PGR: variants seen among roughly 807,000 people sequenced by gnomAD.
PGR encodes the protein progesterone receptor.
Under a neutral mutation model 76.1 loss-of-function variants are expected in PGR, and 25 were observed. The observed-to-expected ratio is 0.33, with a 90% CI of 0.24 to 0.46. The LOEUF (loss-of-function observed/expected upper bound fraction) is 0.46, where lower values mean the gene tolerates loss of function less well. Among genes scored for constraint, PGR ranks in the 20% least tolerant of loss-of-function variants. PGR has a pLI of 1.00. For missense variants in PGR, 1,172 were observed against 1,225.3 expected (o/e 0.96, Z 0.65); for synonymous variants, 579 against 535.0 (o/e 1.08, Z -1.14).
chr11:101,069,438 A>G (rs767034637), intron 3 of PGR, among the ~76,000 whole-genome samples: 1 of 152,196 alleles, frequency 6.6e-6, no homozygotes, highest in Non-Finnish European at 1.5e-5. Context: ...CAACCACTGT[A>G]GAAGACAGTG....
intron 3 of PGR, among the ~76,000 whole-genome samples, chr11:101,070,127 C>T (rs1476095190): frequency 6.6e-6 from 1 of 152,140 alleles, no homozygotes; most frequent in Non-Finnish European, 1.5e-5. Flanking sequence ...AGGTACCCAC[C>T]TCATCTCATT....
intron 3 of PGR, among the ~76,000 whole-genome samples, chr11:101,074,951 T>C (rs949467827): frequency 6.6e-6 from 1 of 152,218 alleles, no homozygotes; most frequent in Non-Finnish European, 1.5e-5. Context: ...ATTGACTTTC[T>C]TCATAGAATT....
rs1263928344 is a variant in PGR, at chr11:101,037,039, T to A, written c.*2077A>T. On this transcript the variant is annotated 3_prime_UTR_variant, in exon 8 of 8. Transcript: ENST00000325455. ...CACAGTTCATTCTGAGAGGTGTCAC[T>A]CTCACAGAGGTAGATTTCCTGTAAC... 1.0e-5 allele frequency: 2 copies of A among 193,820 alleles called. No individual in the cohort carries two copies. The highest frequency in any genetic ancestry group is 1.6e-4 in the East Asian group (2 of 12,336). The allele number at this position is 193,820 out of a possible 1,614,324, so 12.0% of individuals were successfully genotyped here.
chr11:101,120,487 T>A (rs1205176709), intron 2 of PGR, among the ~76,000 whole-genome samples: 3 of 152,146 alleles, frequency 2.0e-5, no homozygotes, highest in African/African-American at 4.8e-5. Flanking sequence ...AATAGTGTAA[T>A]TAGTAATTCC....
chr11:101,095,690 C>A (rs1309236293), intron 2 of PGR, among the ~76,000 whole-genome samples: 2 of 152,144 alleles, frequency 1.3e-5, no homozygotes, highest in African/African-American at 4.8e-5. Flanking sequence ...ATGAAGATAA[C>A]ATTAGTACCT....
chr11:101,089,677 G>C (rs1040263528), intron 3 of PGR, among the ~76,000 whole-genome samples: 1 of 140,314 alleles, frequency 7.1e-6, no homozygotes, highest in Non-Finnish European at 1.6e-5. Context: ...ATTAGAAAGC[G>C]ATTGAGGGAG....
At position 101,096,402 on chromosome 11, in the gene PGR, T is replaced by C. The variant is rs11571172; in HGVS notation, c.1790-4526A>G. Among the ~76,000 whole-genome samples, 1,317 of 152,334 alleles carry C rather than the reference T, an allele frequency of 8.6e-3. 20 individuals carry two copies. The highest frequency in any genetic ancestry group is 0.028 in the African/African-American group (1,146 of 41,574). ...AATATGGGGAGTACAGTTAAAGGTTTATCTTCTCAAGCAATGTTTTGGCTT... is the reference window on the plus strand; with the variant it reads ...AATATGGGGAGTACAGTTAAAGGTTCATCTTCTCAAGCAATGTTTTGGCTT... On this transcript the variant is annotated intron_variant, in intron 2 of 7. Coordinates refer to ENST00000325455, the MANE Select transcript of PGR (RefSeq NM_000926.4).
chr11:101,123,434 C>G (rs1406910196), intron 2 of PGR, among the ~76,000 whole-genome samples: 2 of 152,330 alleles, frequency 1.3e-5, no homozygotes, highest in African/African-American at 4.8e-5. Flanking sequence ...TTCTACTTAT[C>G]TTTCTCATTC....
chr11:101,108,507 T>C (rs980151114), intron 2 of PGR, among the ~76,000 whole-genome samples: 1 of 152,188 alleles, frequency 6.6e-6, no homozygotes, highest in Non-Finnish European at 1.5e-5. Context: ...AAAAATATTT[T>C]TAAACGACTT....
At chr11:101,067,009 T>A (rs1860744122) in intron 3 of PGR, among the ~76,000 whole-genome samples, 2 of 152,162 alleles carry the variant, frequency 1.3e-5, no homozygotes, top group Non-Finnish European at 2.9e-5. Flanking sequence ...CTGATCCTAC[T>A]TAGAATGAAG....
At chr11:101,113,051 T>C (rs773670357) in intron 2 of PGR, among the ~76,000 whole-genome samples, 2 of 152,222 alleles carry the variant, frequency 1.3e-5, no homozygotes, top group South Asian at 2.1e-4. Context: ...GAAAATCTTA[T>C]TTCAAAATGT....
intron 3 of PGR, among the ~76,000 whole-genome samples, chr11:101,085,090 A>G (rs1331487209): frequency 1.3e-5 from 2 of 152,204 alleles, no homozygotes; most frequent in Non-Finnish European, 2.9e-5. Context: ...ATTGGATCTA[A>G]TAAACATCTA....
At chr11:101,055,196 C>T (rs1207225616) in intron 4 of PGR, among the ~76,000 whole-genome samples, 3 of 151,888 alleles carry the variant, frequency 2.0e-5, no homozygotes, top group African/African-American at 7.2e-5. Context: ...GGGTGGATCA[C>T]AAGGTCAAGA....
chr11:101,047,800 T>A (rs11224570), intron 6 of PGR, among the ~76,000 whole-genome samples: 4,029 of 152,262 alleles, frequency 0.026, 164 homozygotes, highest in African/African-American at 0.093. Context: ...TTCTTTTTTT[T>A]AAAACTTTGC....
intron 3 of PGR, among the ~76,000 whole-genome samples, chr11:101,068,327 C>T (rs1860797833): frequency 6.6e-6 from 1 of 151,946 alleles, no homozygotes. Flanking sequence ...ATGTGAAGGG[C>T]CTCTTCAAGG....
At chr11:101,103,760 A>C (rs970977938) in intron 2 of PGR, among the ~76,000 whole-genome samples, 10 of 152,312 alleles carry the variant, frequency 6.6e-5, no homozygotes, top group Admixed American at 5.2e-4. Flanking sequence ...TCTCATGAAA[A>C]ATTTTAAAAA....
chr11:101,066,829 AT>A (rs1389728109), intron 3 of PGR, among the ~76,000 whole-genome samples: 2 of 152,104 alleles, frequency 1.3e-5, no homozygotes, highest in Admixed American at 1.3e-4. Flanking sequence ...CCAAATCCAA[AT>A]ACCTGTTTCC....
intron 4 of PGR, among the ~76,000 whole-genome samples, chr11:101,059,801 C>T (rs1565337438): frequency 7.2e-6 from 1 of 138,852 alleles, no homozygotes; most frequent in Non-Finnish European, 1.5e-5. Context: ...CAAGATCATG[C>T]CACTGTGGTC....
In PGR at chr11:101,037,104, G is replaced by A. The variant is rs1424942996; in HGVS notation, c.*2012C>T. 2 of 195,886 alleles carry A rather than the reference G, an allele frequency of 1.0e-5. No individual in the cohort carries two copies. Among genetic ancestry groups the A allele is most frequent in the East Asian group, 1.6e-4 (2 of 12,466 alleles). 12.1% of individuals were successfully genotyped at this position (195,886 alleles called of 1,614,324 possible). On this transcript the variant is annotated 3_prime_UTR_variant, in exon 8 of 8. Transcript: ENST00000325455. Reference sequence around the variant, plus strand: ...GATGTTAAAAATACTTTTTTCTTGGGATGACATTTGTGGGGAAAATATATT... The same window carrying A: ...GATGTTAAAAATACTTTTTTCTTGGAATGACATTTGTGGGGAAAATATATT...
Sources: allele counts gnomAD v4.1 joint callset (sites outside exome capture counted in the v4.1 genomes callset), GRCh38; gene constraint gnomAD v4.1.1; transcripts MANE v1.5; gene names NCBI Gene and HGNC (gene_info 2026-07-23, HGNC 2026-07-21).